SENP6: variants seen among roughly 807,000 people sequenced by gnomAD.
SENP6 encodes the protein SUMO specific peptidase 6.
In SENP6, 41 loss-of-function variants were observed where a neutral mutation model predicts 134.5. The observed-to-expected ratio is 0.30, with a 90% CI of 0.24 to 0.40. The LOEUF (loss-of-function observed/expected upper bound fraction) is 0.40, where lower values mean the gene tolerates loss of function less well. SENP6 is among the 10% of genes least tolerant of loss of function. The pLI is 1.00. For missense variants in SENP6, 1,248 were observed against 1,312.5 expected (o/e 0.95, Z 0.76); for synonymous variants, 395 against 429.8 (o/e 0.92, Z 1.00).
At chr6:75,640,788 A>G (rs1769968849) in intron 6 of SENP6, 84 bp downstream of exon 6, 2 of 813,132 alleles carry the variant, frequency 2.5e-6, no homozygotes, top group African/African-American at 3.6e-5. Context: ...ATATTGGTTG[A>G]ATTAGAGTTT....
At chr6:75,681,906 G>A (rs1217722354) in intron 16 of SENP6, among the ~76,000 whole-genome samples, 1 of 151,866 alleles carries the variant, frequency 6.6e-6, no homozygotes, top group African/African-American at 2.4e-5. Context: ...GAAACAAATG[G>A]AAATTTTAGA....
chr6:75,614,298 C>G (rs965676942), intron 1 of SENP6, among the ~76,000 whole-genome samples: 1 of 148,966 alleles, frequency 6.7e-6, no homozygotes, highest in Non-Finnish European at 1.5e-5. Flanking sequence ...CAGAGTCTGG[C>G]TCTGTCACCC....
chr6:75,708,421 A>C (rs1236192465), intron 19 of SENP6, among the ~76,000 whole-genome samples: 3 of 152,094 alleles, frequency 2.0e-5, no homozygotes, highest in Non-Finnish European at 2.9e-5. Context: ...AATTTTTGAG[A>C]GGAAAATAAA....
chr6:75,605,867 A>G (rs928138913), intron 1 of SENP6, among the ~76,000 whole-genome samples: 1 of 152,180 alleles, frequency 6.6e-6, no homozygotes, highest in Non-Finnish European at 1.5e-5. Flanking sequence ...AAATTAGGAT[A>G]ATATTGTAGT....
At chr6:75,610,014 C>G (rs1234348781) in intron 1 of SENP6, among the ~76,000 whole-genome samples, 1 of 152,270 alleles carries the variant, frequency 6.6e-6, no homozygotes, top group East Asian at 1.9e-4. Context: ...TCTCAAACTC[C>G]TGACCTCAAG....
At chr6:75,675,785 T>A in intron 12 of SENP6, 75 bp from the exon 13 acceptor site, 1 of 1,275,974 alleles carries the variant, frequency 7.8e-7, no homozygotes, top group Non-Finnish European at 1.1e-6. Context: ...TAAACTTGTA[T>A]TTCCTCACAA....
rs1478446722 is a variant in SENP6, at chr6:75,634,706, G to T, written c.354-1G>T. ...TTATTTTTTGTTTCTTGAATCTGCAGTGAAAATACGCAAAATACGTCATTA... is the reference window on the plus strand; with the variant it reads ...TTATTTTTTGTTTCTTGAATCTGCATTGAAAATACGCAAAATACGTCATTA... On this transcript the variant is annotated splice_acceptor_variant, in intron 4 of 23. Coordinates refer to ENST00000447266, the MANE Select transcript of SENP6 (RefSeq NM_015571.4). LOFTEE classifies it high-confidence loss of function. 1 of 1,547,720 alleles carries T rather than the reference G, an allele frequency of 6.5e-7. No individual in the cohort carries two copies. Among genetic ancestry groups the T allele is most frequent in the Non-Finnish European group, 8.7e-7 (1 of 1,148,426 alleles).
At chr6:75,654,786 C>T (rs558986145) in intron 7 of SENP6, among the ~76,000 whole-genome samples, 14 of 152,086 alleles carry the variant, frequency 9.2e-5, no homozygotes, top group Non-Finnish European at 1.9e-4. Context: ...TCTTCCTTAC[C>T]CTGCTTCTCC....
intron 19 of SENP6, 44 bp from the exon 20 acceptor site, chr6:75,709,483 T>C (rs764239875): frequency 1.5e-6 from 2 of 1,349,036 alleles, no homozygotes; most frequent in Non-Finnish European, 2.1e-6. Flanking sequence ...CTATGAGTGA[T>C]AGACATGGCC....
chr6:75,624,861 A>C lies in SENP6; in HGVS notation c.207+901A>C, dbSNP rs140954600. On this transcript the variant is annotated intron_variant, in intron 3 of 23. Coordinates refer to ENST00000447266, the MANE Select transcript of SENP6 (RefSeq NM_015571.4). ...AAAAAAAATGTTTTTGGCCAAGTGT[A>C]GTGGCTCACGCCTATAATCCTAGCA... 2.0e-5 allele frequency among the ~76,000 whole-genome samples: 3 copies of C among 152,266 alleles called. No individual in the cohort carries two copies. In the East Asian group the frequency reaches 5.8e-4, roughly 29 times the overall value.
chr6:75,658,053 G>A (rs563268243), intron 7 of SENP6, among the ~76,000 whole-genome samples: 223 of 152,196 alleles, frequency 1.5e-3, no homozygotes, highest in Non-Finnish European at 2.3e-3. Context: ...GAGCAAAATT[G>A]GGATAGAGGA....
rs969766491 is a variant in SENP6 at position 75,702,547 on chromosome 6, G to T, written c.2289-98G>T. On this transcript the variant is annotated intron_variant, in intron 18 of 23. Coordinates refer to ENST00000447266, the MANE Select transcript of SENP6 (RefSeq NM_015571.4). Reference sequence around the variant, plus strand: ...TTAGGCATTTTTAATAAATTAATTGGCAAGAACTTTAGAAAAAAACATTTT... The same window carrying T: ...TTAGGCATTTTTAATAAATTAATTGTCAAGAACTTTAGAAAAAAACATTTT... 6.9e-6 allele frequency: 8 copies of T among 1,152,752 alleles called. No homozygotes were observed. The African/African-American group carries it at 1.3e-4, about 18-fold the overall frequency. The allele number at this position is 1,152,752 out of a possible 1,614,324, so 71.4% of individuals were successfully genotyped here.
chr6:75,655,838 C>A (rs1771280396), intron 7 of SENP6, among the ~76,000 whole-genome samples: 1 of 151,904 alleles, frequency 6.6e-6, no homozygotes, highest in Non-Finnish European at 1.5e-5. Flanking sequence ...TTATATCGAA[C>A]CTGTATATAG....
In SENP6 at chr6:75,675,680, TAAA is replaced by T. The variant is rs773121379; in HGVS notation, c.1427-176_1427-174del. 5.1e-6 allele frequency: 4 copies of T among 791,198 alleles called. No individual in the cohort carries two copies. In the African/African-American group the frequency reaches 7.1e-5, roughly 14 times the overall value. 49.0% of individuals were successfully genotyped at this position (791,198 alleles called of 1,614,324 possible). A position where few individuals can be genotyped will look rare whatever the true frequency, so the allele number is the denominator to read the frequency against. On this transcript the variant is annotated intron_variant, in intron 12 of 23. Transcript: ENST00000447266. ...GAAACCCCTTTTCATTTGGAAAAAA[TAAA>T]AAAGTTTCTTTAAGGCAGTTATAAA...
intron 3 of SENP6, among the ~76,000 whole-genome samples, chr6:75,624,603 T>C (rs180798714): frequency 1.9e-4 from 29 of 152,332 alleles, no homozygotes; most frequent in African/African-American, 6.7e-4. Flanking sequence ...AGTGTAGTTT[T>C]AATTTCCATT....
In SENP6 at chr6:75,678,919, T is replaced by C. The variant is rs757932183; in HGVS notation, c.2067T>C (p.Phe689=). The change falls in exon 16 of 24, where the codon TTT becomes TTC. Residue 689 remains phenylalanine, a synonymous_variant. Transcript: ENST00000447266. ...GEFLNDVIID[F]YLKYLVLEKL... ...TTTTAAATGATGTTATTATAGACTTTTATTTGAAGTAAGTTAATTTTCCAC... is the reference window on the plus strand; with the variant it reads ...TTTTAAATGATGTTATTATAGACTTCTATTTGAAGTAAGTTAATTTTCCAC... The C allele has an allele frequency of 2.2e-6, 3 of 1,375,876 alleles. No individual in the cohort carries two copies. The highest frequency in any genetic ancestry group is 3.1e-6 in the Non-Finnish European group (3 of 972,040). The allele number at this position is 1,375,876 out of a possible 1,614,324, so 85.2% of individuals were successfully genotyped here. A position where few individuals can be genotyped will look rare whatever the true frequency, so the allele number is the denominator to read the frequency against.
At chr6:75,678,483 A>G in intron 14 of SENP6, 100 bp from the exon 15 acceptor site, 1 of 655,076 alleles carries the variant, frequency 1.5e-6, no homozygotes, top group Non-Finnish European at 2.7e-6. Context: ...CCACATTTTT[A>G]ATCCTTTTGC....
At chr6:75,662,841 T>C (rs901397708) in intron 8 of SENP6, among the ~76,000 whole-genome samples, 2 of 152,204 alleles carry the variant, frequency 1.3e-5, no homozygotes, top group African/African-American at 4.8e-5. Context: ...TTTACCTTTA[T>C]TATAGATACT....
intron 4 of SENP6, 112 bp downstream of exon 4, chr6:75,633,838 A>G (rs946716398): frequency 6.2e-6 from 5 of 807,610 alleles, no homozygotes; most frequent in Non-Finnish European, 9.1e-6. Flanking sequence ...ATTTGTCTAT[A>G]GGGCCAAGAG....
Sources: gnomAD v4.1 joint callset for allele counts (sites outside exome capture counted in the v4.1 genomes callset) on GRCh38, gnomAD v4.1.1 for gene constraint, MANE v1.5 for transcripts, NCBI Gene and HGNC (gene_info 2026-07-23, HGNC 2026-07-21) for gene names.